Variants in ZNF704 observed in about 807,000 individuals in gnomAD.
ZNF704 encodes zinc finger protein 704.
In ZNF704, 10 loss-of-function variants were observed where a neutral mutation model predicts 44.7. The ratio of observed to expected loss-of-function variants is 0.22; its 90% CI spans 0.14 to 0.38. ZNF704 has a LOEUF of 0.38. Ranked by LOEUF, ZNF704 falls within the 10% of genes least tolerant of loss-of-function variation. The pLI is 1.00. For synonymous variants in ZNF704, 211 were observed against 207.6 expected (o/e 1.02, Z -0.14); for missense variants, 390 against 545.5 (o/e 0.71, Z 2.84).
intron 1 of ZNF704, among the ~76,000 whole-genome samples, chr8:80,850,072 T>C (rs1808832224): frequency 6.6e-6 from 1 of 152,204 alleles, no homozygotes; most frequent in African/African-American, 2.4e-5. Flanking sequence ...TATTATAATG[T>C]TGCTGGGTTT....
Position 80,679,867 on chromosome 8 carries a change from A to C in ZNF704, c.558+7359T>G, listed in dbSNP as rs140154832. ...GAGATGCATAGCAGCTTCCAGACAA[A>C]CTCTTTAGAATTTCTCAACATTGAT... is the stretch of plus-strand genomic sequence containing the variant. On this transcript the variant is annotated intron_variant, in intron 4 of 8. Coordinates refer to ENST00000327835, the MANE Select transcript of ZNF704 (RefSeq NM_001033723.3). Among the ~76,000 whole-genome samples, 410 of 152,130 alleles carry C rather than the reference A, an allele frequency of 2.7e-3. 3 individuals are homozygous for C. The highest frequency in any genetic ancestry group is 9.2e-3 in the African/African-American group (382 of 41,484).
At chr8:80,870,999 C>T (rs1809243368) in intron 1 of ZNF704, among the ~76,000 whole-genome samples, 1 of 152,026 alleles carries the variant, frequency 6.6e-6, no homozygotes, top group African/African-American at 2.4e-5. Context: ...TCCTGGATTC[C>T]TCCCTTTCCT....
intron 2 of ZNF704, among the ~76,000 whole-genome samples, chr8:80,779,135 C>T (rs1807467982): frequency 6.6e-6 from 1 of 150,880 alleles, no homozygotes; most frequent in African/African-American, 2.4e-5. Context: ...CTTTCTCTTT[C>T]TCCTTCTTTC....
intron 2 of ZNF704, among the ~76,000 whole-genome samples, chr8:80,809,854 A>T (rs1425866177): frequency 6.6e-6 from 1 of 152,064 alleles, no homozygotes; most frequent in Non-Finnish European, 1.5e-5. Context: ...CCCTCCACTC[A>T]TATCTACTTT....
chr8:80,757,629 C>T (rs558298117), intron 2 of ZNF704, among the ~76,000 whole-genome samples: 2 of 152,296 alleles, frequency 1.3e-5, no homozygotes, highest in Non-Finnish European at 1.5e-5. Context: ...TCACCACTCA[C>T]TCACTGACTC....
chr8:80,778,128 A>G (rs184240973), intron 2 of ZNF704, among the ~76,000 whole-genome samples: 64 of 152,282 alleles, frequency 4.2e-4, no homozygotes, highest in Admixed American at 2.1e-3. Context: ...ATCTGATAAA[A>G]GTCTAATATC....
intron 7 of ZNF704, chr8:80,658,578 C>G (rs1818052024): frequency 6.6e-6 from 1 of 152,216 alleles, no homozygotes; most frequent in Non-Finnish European, 1.5e-5. Context: ...AAAATGACTT[C>G]AGACCCATGG....
chr8:80,781,841 G>C (rs964161358), intron 2 of ZNF704, among the ~76,000 whole-genome samples: 1 of 152,142 alleles, frequency 6.6e-6, no homozygotes, highest in Non-Finnish European at 1.5e-5. Context: ...GACTGGATTG[G>C]GACTAGATGA....
At chr8:80,881,774 A>G in the ZNF704 span, among the ~76,000 whole-genome samples, 1 of 152,138 alleles carries the variant, frequency 6.6e-6, no homozygotes, top group Non-Finnish European at 1.5e-5. Context: ...CTAAAAATAC[A>G]AAAATTAGCC....
intron 1 of ZNF704, among the ~76,000 whole-genome samples, chr8:80,836,594 T>C (rs1173415343): frequency 6.6e-6 from 1 of 151,948 alleles, no homozygotes; most frequent in Non-Finnish European, 1.5e-5. Context: ...CTGGGAAACC[T>C]GGCAACCCCC....
chr8:80,710,513 T>C (rs551359846), intron 2 of ZNF704, among the ~76,000 whole-genome samples: 120 of 152,290 alleles, frequency 7.9e-4, no homozygotes, highest in African/African-American at 2.7e-3. Context: ...ACAATATTCA[T>C]ATGTTGAAGC....
At chr8:80,696,709 C>A (rs906673634) in intron 2 of ZNF704, among the ~76,000 whole-genome samples, 2 of 152,210 alleles carry the variant, frequency 1.3e-5, no homozygotes, top group African/African-American at 4.8e-5. Context: ...TGAGCCAATG[C>A]GCCCGGCCAG....
chr8:80,802,023 A>G (rs534421689), intron 2 of ZNF704, among the ~76,000 whole-genome samples: 1 of 152,178 alleles, frequency 6.6e-6, no homozygotes, highest in African/African-American at 2.4e-5. Context: ...AACATAAACA[A>G]CCATCAGAGA....
chr8:80,768,539 A>T (rs780287385), intron 2 of ZNF704, among the ~76,000 whole-genome samples: 1 of 152,170 alleles, frequency 6.6e-6, no homozygotes, highest in African/African-American at 2.4e-5. Flanking sequence ...TGAGACAACT[A>T]CTGATTCTCA....
intron 2 of ZNF704, among the ~76,000 whole-genome samples, chr8:80,812,806 T>G (rs75692439): frequency 0.06 from 9,058 of 152,230 alleles, 294 homozygotes; most frequent in Non-Finnish European, 0.075. Flanking sequence ...ATTGGACAGT[T>G]TTGCTTGAAT....
At chr8:80,852,093 C>A (rs566450936) in intron 1 of ZNF704, among the ~76,000 whole-genome samples, 2 of 152,192 alleles carry the variant, frequency 1.3e-5, no homozygotes, top group African/African-American at 2.4e-5. Flanking sequence ...TCCAGTGCCC[C>A]CAGCCAGTAG....
chr8:80,876,466 C>A (rs529528959), upstream of ZNF704, among the ~76,000 whole-genome samples: 17 of 152,164 alleles, frequency 1.1e-4, no homozygotes, highest in South Asian at 3.3e-3. Context: ...CTTTCTCTGG[C>A]CATGAAAAGG....
At chr8:80,656,201 TTCTC>T (rs939181827) in intron 7 of ZNF704, among the ~76,000 whole-genome samples, 7 of 152,024 alleles carry the variant, frequency 4.6e-5, no homozygotes, top group Non-Finnish European at 1.0e-4. Context: ...CTCTCTCTCT[TTCTC>T]TCTCGACTGT....
At chr8:80,687,150 CACACCG>C in intron 4 of ZNF704, 70 bp downstream of exon 4, 1 of 1,302,002 alleles carries the variant, frequency 7.7e-7, no homozygotes, top group Non-Finnish European at 1.1e-6. Context: ...AGGTTAAGCT[CACACCG>C]GCCCTTCAGA....
Sources: allele counts gnomAD v4.1 joint callset (sites outside exome capture counted in the v4.1 genomes callset), GRCh38; gene constraint gnomAD v4.1.1; transcripts MANE v1.5; gene names NCBI Gene and HGNC (gene_info 2026-07-23, HGNC 2026-07-21).